GRIP1: variants seen among roughly 807,000 people sequenced by gnomAD.
GRIP1 encodes the protein glutamate receptor interacting protein 1.
Under a neutral mutation model 129.9 loss-of-function variants are expected in GRIP1, and 45 were observed. The observed-to-expected ratio is 0.35, with a 90% confidence interval of 0.27 to 0.44. The LOEUF is 0.44. Ranked by LOEUF, GRIP1 falls within the 20% of genes least tolerant of loss-of-function variation. GRIP1 has a pLI of 1.00. For missense variants in GRIP1, 1,196 were observed against 1,396.8 expected (o/e 0.86, Z 2.29); for synonymous variants, 530 against 520.8 (o/e 1.02, Z -0.24).
chr12:66,590,118 A>T (rs971859829), intron 2 of GRIP1, among the ~76,000 whole-genome samples: 4 of 152,182 alleles, frequency 2.6e-5, no homozygotes, highest in African/African-American at 9.7e-5. Context: ...AGCTGTCATC[A>T]GAGTCACTCC....
At chr12:66,844,823 C>A (rs2039784995) in intron 1 of GRIP1, among the ~76,000 whole-genome samples, 1 of 152,038 alleles carries the variant, frequency 6.6e-6, no homozygotes, top group South Asian at 2.1e-4. Context: ...CATGGGTGAA[C>A]CCTGAGAACA....
In GRIP1 at chr12:66,439,665, C is replaced by T. The variant is rs577479644; in HGVS notation, c.1687+4919G>A. ...TTCCATTGCTGTTATAAGAATTAAACAATTTGATGCACACACCACGTTTAG... is the reference window on the plus strand; with the variant it reads ...TTCCATTGCTGTTATAAGAATTAAATAATTTGATGCACACACCACGTTTAG... On this transcript the variant is annotated intron_variant, in intron 13 of 24. Transcript: ENST00000359742. Among the ~76,000 whole-genome samples, 5 of 152,254 alleles carry T rather than the reference C, an allele frequency of 3.3e-5. No individual in the cohort carries two copies. The East Asian group carries it at 5.8e-4, about 18-fold the overall frequency.
chr12:66,903,372 T>A (rs1216411424), intron 1 of GRIP1, among the ~76,000 whole-genome samples: 2 of 151,982 alleles, frequency 1.3e-5, no homozygotes, highest in Non-Finnish European at 2.9e-5. Context: ...CCATTAAATG[T>A]TTTGTATAAT....
chr12:66,869,468 C>A (rs529813295), intron 1 of GRIP1, among the ~76,000 whole-genome samples: 2 of 152,176 alleles, frequency 1.3e-5, no homozygotes, highest in South Asian at 4.2e-4. Context: ...AAGTATAATT[C>A]TTCTAAATGA....
chr12:67,009,055 A>G (rs967503978), intron 1 of GRIP1, among the ~76,000 whole-genome samples: 3 of 152,144 alleles, frequency 2.0e-5, no homozygotes. Flanking sequence ...CTGGAGTTTT[A>G]TATCAAAATA....
chr12:66,999,854 C>A (rs1042778647), intron 1 of GRIP1, among the ~76,000 whole-genome samples: 1 of 152,120 alleles, frequency 6.6e-6, no homozygotes, highest in African/African-American at 2.4e-5. Flanking sequence ...GATCATCACA[C>A]CTGCTACACT....
At chr12:66,727,058 T>C (rs1360332455) in intron 1 of GRIP1, among the ~76,000 whole-genome samples, 1 of 152,192 alleles carries the variant, frequency 6.6e-6, no homozygotes, top group Non-Finnish European at 1.5e-5. Flanking sequence ...AACACACAGC[T>C]CAAATTTCTC....
At chr12:66,675,343 T>A (rs1266892951) in intron 1 of GRIP1, among the ~76,000 whole-genome samples, 7 of 152,014 alleles carry the variant, frequency 4.6e-5, no homozygotes, top group African/African-American at 1.5e-4. Context: ...AGCACGAAAG[T>A]TCAGATCTCG....
chr12:66,688,934 T>C (rs1285928129), intron 1 of GRIP1, among the ~76,000 whole-genome samples: 2 of 152,160 alleles, frequency 1.3e-5, no homozygotes, highest in Non-Finnish European at 2.9e-5. Context: ...CTGGGTCTCT[T>C]CCTCTCATCA....
rs140739422 is a variant in GRIP1 at position 66,374,451 on chromosome 12, G to A, written c.2779-2524C>T. 2.1e-3 allele frequency among the ~76,000 whole-genome samples: 314 copies of A among 152,202 alleles called. 1 individual carries two copies. The highest frequency in any genetic ancestry group is 7.2e-3 in the African/African-American group (300 of 41,534). ...GATCCACCTGCCTCAGCCTCCCAAA[G>A]TGCTGGGATTACAGGCCTGAGGCAC... On this transcript the variant is annotated intron_variant, in intron 22 of 24. Transcript: ENST00000359742.
chr12:67,008,515 A>T (rs1294664919), intron 1 of GRIP1, among the ~76,000 whole-genome samples: 1 of 152,198 alleles, frequency 6.6e-6, no homozygotes, highest in African/African-American at 2.4e-5. Flanking sequence ...AAAATTAGAG[A>T]TTATAAAATA....
Position 66,379,339 on chromosome 12 carries a change from G to A in GRIP1, c.2562C>T (p.Ser854=). ...GSLSPVTKPR[S]QTYPDVGLSY... ...TCAGCCCCACATCTGGGTAAGTCTG[G>A]CTTCGAGGCTTAGTGACTGGGGACA... Residue 854 remains serine, a synonymous_variant, in exon 20 of 25, where the codon AGC becomes AGT. Coordinates refer to ENST00000359742, the MANE Select transcript of GRIP1 (RefSeq NM_001366722.1). The A allele has an allele frequency of 1.2e-6, 2 of 1,614,036 alleles. No individual in the cohort carries two copies. The highest frequency in any genetic ancestry group is 8.5e-7 in the Non-Finnish European group (1 of 1,179,902).
rs2040262118 is a variant in GRIP1, at chr12:66,869,591, G to A, written c.58+199459C>T. The stretch of plus-strand genomic sequence containing the variant: ...CCAGACTGTGGGTAAGTGTCAAGGT[G>A]ATGAGCATAAATGGCAAAGAAAATG... On this transcript the variant is annotated intron_variant, in intron 1 of 1. Transcript: ENST00000643019. Among the ~76,000 whole-genome samples, 3 of 152,104 alleles carry A rather than the reference G, an allele frequency of 2.0e-5. No individual in the cohort carries two copies. The South Asian group carries it at 6.2e-4, about 31-fold the overall frequency.
At chr12:66,994,303 G>A (rs1388788363) in intron 1 of GRIP1, among the ~76,000 whole-genome samples, 1 of 151,642 alleles carries the variant, frequency 6.6e-6, no homozygotes, top group Non-Finnish European at 1.5e-5. Context: ...CATGACCAAG[G>A]GGAATTTATC....
intron 1 of GRIP1, among the ~76,000 whole-genome samples, chr12:66,717,623 T>TA (rs1450503448): frequency 6.6e-6 from 1 of 152,104 alleles, no homozygotes; most frequent in East Asian, 1.9e-4. Flanking sequence ...AAAAGAGAAT[T>TA]AAAAATGTAA....
chr12:66,837,770 G>C lies in GRIP1; in HGVS notation c.58+231280C>G, dbSNP rs182819543. Among the ~76,000 whole-genome samples the C allele has an allele frequency of 3.9e-5, 6 of 152,230 alleles. No individual in the cohort carries two copies. The East Asian group carries it at 9.7e-4, about 24-fold the overall frequency. Reference sequence around the variant, plus strand: ...TCCAGGCATAGTTGAATGAGGATGCGAGCAAACACTGTAGTGGAAGGGTAA... The same window carrying C: ...TCCAGGCATAGTTGAATGAGGATGCCAGCAAACACTGTAGTGGAAGGGTAA... On this transcript the variant is annotated intron_variant, in intron 1 of 1. Coordinates refer to the GRIP1 transcript ENST00000643019.
intron 1 of GRIP1, among the ~76,000 whole-genome samples, chr12:66,757,729 C>T (rs190455491): frequency 2.6e-4 from 39 of 152,248 alleles, no homozygotes; most frequent in African/African-American, 8.4e-4. Flanking sequence ...ACGAAGGTTC[C>T]CTTTTCTCTA....
At chr12:66,486,497 G>A (rs762401390) in intron 7 of GRIP1, among the ~76,000 whole-genome samples, 1 of 152,086 alleles carries the variant, frequency 6.6e-6, no homozygotes, top group Non-Finnish European at 1.5e-5. Flanking sequence ...AATCATGGGG[G>A]CAGTTTCCCC....
intron 1 of GRIP1, among the ~76,000 whole-genome samples, chr12:66,981,713 A>T (rs186501255): frequency 9.2e-5 from 14 of 152,332 alleles, no homozygotes; most frequent in Non-Finnish European, 1.6e-4. Flanking sequence ...ATAAACAAAA[A>T]CTACAATTTT....
Sources: allele counts gnomAD v4.1 joint callset (sites outside exome capture counted in the v4.1 genomes callset), GRCh38; gene constraint gnomAD v4.1.1; transcripts MANE v1.5; gene names NCBI Gene and HGNC (gene_info 2026-07-23, HGNC 2026-07-21).